Variants in GUCY1A1 observed in about 807,000 individuals in gnomAD.
GUCY1A1 encodes the protein guanylate cyclase 1 soluble subunit alpha 1, also known as guanylate cyclase soluble subunit alpha-1.
Under a neutral mutation model 64.5 loss-of-function variants are expected in GUCY1A1, and 48 were observed. That is an observed-to-expected ratio of 0.74 (90% CI 0.59 to 0.95). The LOEUF is 0.95. GUCY1A1 is among the 40% of genes least tolerant of loss of function. GUCY1A1 has a pLI of 0.00. For missense variants in GUCY1A1, 804 were observed against 825.3 expected (o/e 0.97, Z 0.32); for synonymous variants, 308 against 303.4 (o/e 1.02, Z -0.16).
At chr4:155,681,334 A>G in intron 2 of GUCY1A1, among the ~76,000 whole-genome samples, 1 of 152,264 alleles carries the variant, frequency 6.6e-6, no homozygotes, top group Middle Eastern at 3.4e-3. Flanking sequence ...ATTTCTATTT[A>G]CAGAAAGCTA....
intron 2 of GUCY1A1, among the ~76,000 whole-genome samples, chr4:155,693,453 G>A (rs989089220): frequency 2.6e-5 from 4 of 151,874 alleles, no homozygotes; most frequent in African/African-American, 9.7e-5. Flanking sequence ...TACTGCTAAC[G>A]TTACCCATAA....
At chr4:155,672,734 G>C (rs917156179) in intron 2 of GUCY1A1, among the ~76,000 whole-genome samples, 1 of 152,104 alleles carries the variant, frequency 6.6e-6, no homozygotes, top group Non-Finnish European at 1.5e-5. Context: ...ATAGCTGATG[G>C]AATCCACCTT....
intron 5 of GUCY1A1, among the ~76,000 whole-genome samples, chr4:155,708,889 T>A (rs1362372834): frequency 6.6e-6 from 1 of 151,386 alleles, no homozygotes; most frequent in Non-Finnish European, 1.5e-5. Flanking sequence ...GGCACTATTC[T>A]TTTTCCCACA....
At chr4:155,687,136 T>C (rs919510774) in intron 2 of GUCY1A1, among the ~76,000 whole-genome samples, 3 of 152,224 alleles carry the variant, frequency 2.0e-5, no homozygotes, top group African/African-American at 7.2e-5. Context: ...TAGAATAAAA[T>C]TGTCAATCAT....
chr4:155,671,433 C>G (rs916114139), intron 2 of GUCY1A1, among the ~76,000 whole-genome samples: 2 of 152,126 alleles, frequency 1.3e-5, no homozygotes, highest in South Asian at 2.1e-4. Context: ...TGCTTCACTC[C>G]AATGTCAGCT....
At chr4:155,689,843 T>C (rs1729504841) in intron 2 of GUCY1A1, among the ~76,000 whole-genome samples, 1 of 152,200 alleles carries the variant, frequency 6.6e-6, no homozygotes, top group Non-Finnish European at 1.5e-5. Flanking sequence ...TGCCGTTGTC[T>C]TTAGAGTTGA....
chr4:155,710,953 A>G lies in GUCY1A1; in HGVS notation c.788A>G (p.Lys263Arg). The G allele has an allele frequency of 6.2e-7, 1 of 1,613,574 alleles. No homozygotes were observed. Among genetic ancestry groups the G allele is most frequent in the Admixed American group, 1.7e-5 (1 of 60,012 alleles). ...TACTCCGTTCACATGAAAAGCACCA[A>G]GCCATCCCTGTCCCCCAGCAAACCC... ...LLYSVHMKST[K>R]PSLSPSKPQS... Residue 263 changes from lysine to arginine, a missense_variant, in exon 6 of 10, where the codon AAG becomes AGG. Lys to Arg is a conservative substitution (Grantham distance 26). Transcript: ENST00000506455.
At chr4:155,683,540 A>G (rs1412488098) in intron 2 of GUCY1A1, among the ~76,000 whole-genome samples, 2 of 152,224 alleles carry the variant, frequency 1.3e-5, no homozygotes, top group Admixed American at 6.5e-5. Context: ...GGAAAATAGC[A>G]AACTTGATTA....
chr4:155,681,230 T>C, intron 2 of GUCY1A1, among the ~76,000 whole-genome samples: 2 of 152,326 alleles, frequency 1.3e-5, no homozygotes, highest in Admixed American at 1.3e-4. Context: ...TCATTATTAG[T>C]GTTGGAGTGG....
At chr4:155,726,876 C>T (rs1210001185) in intron 9 of GUCY1A1, among the ~76,000 whole-genome samples, 1 of 151,822 alleles carries the variant, frequency 6.6e-6, no homozygotes, top group Non-Finnish European at 1.5e-5. Flanking sequence ...TACATTAGTT[C>T]CAGGTCAGTG....
chr4:155,723,327 G>C (rs1278387784), intron 9 of GUCY1A1, among the ~76,000 whole-genome samples: 1 of 152,108 alleles, frequency 6.6e-6, no homozygotes, highest in South Asian at 2.1e-4. Context: ...GAGGAGCCAC[G>C]TGTCATCTAG....
chr4:155,704,760 C>T (rs1358795281), intron 4 of GUCY1A1, among the ~76,000 whole-genome samples: 1 of 151,940 alleles, frequency 6.6e-6, no homozygotes, highest in East Asian at 1.9e-4. Context: ...CTCTGTCATC[C>T]AGGCTGAATG....
chr4:155,728,290 T>C (rs1735020361), intron 9 of GUCY1A1, among the ~76,000 whole-genome samples: 1 of 151,892 alleles, frequency 6.6e-6, no homozygotes, highest in African/African-American at 2.4e-5. Context: ...GGTGTTACTA[T>C]GTCCACTCTG....
chr4:155,699,840 G>A (rs1730856589), intron 3 of GUCY1A1, among the ~76,000 whole-genome samples: 1 of 151,852 alleles, frequency 6.6e-6, no homozygotes, highest in Admixed American at 6.6e-5. Flanking sequence ...TAACTTCCTG[G>A]TTATATTTTT....
rs759428861 is a variant in GUCY1A1, at chr4:155,722,202, A to T, written c.1871+10A>T. 2 of 1,609,840 alleles carry T rather than the reference A, an allele frequency of 1.2e-6. No homozygotes were observed. Among genetic ancestry groups the T allele is most frequent in the East Asian group, 4.5e-5 (2 of 44,746 alleles). On this transcript the variant is annotated intron_variant, in intron 9 of 9. Transcript: ENST00000506455. The stretch of plus-strand genomic sequence containing the variant: ...GCCCAACAACTTACAGGTAGTAATT[A>T]TGTTAAACACCTAAAATCTCTTGTT...
intron 8 of GUCY1A1, among the ~76,000 whole-genome samples, chr4:155,718,321 T>G (rs907572660): frequency 2.0e-5 from 3 of 152,176 alleles, no homozygotes; most frequent in Admixed American, 6.6e-5. Flanking sequence ...CTCTTTAACC[T>G]TAATAGAAGC....
chr4:155,692,678 G>A (rs192276087), intron 2 of GUCY1A1, among the ~76,000 whole-genome samples: 1 of 152,332 alleles, frequency 6.6e-6, no homozygotes, highest in East Asian at 1.9e-4. Flanking sequence ...CAGTGCCAGA[G>A]AGTGTGGTAA....
intron 2 of GUCY1A1, among the ~76,000 whole-genome samples, chr4:155,689,786 C>T (rs1013376814): frequency 2.0e-4 from 31 of 152,132 alleles, no homozygotes; most frequent in African/African-American, 6.8e-4. Flanking sequence ...TGCCACCCGG[C>T]GAGTCGGGGG....
chr4:155,690,836 C>T (rs980060501), intron 2 of GUCY1A1, among the ~76,000 whole-genome samples: 3 of 152,158 alleles, frequency 2.0e-5, no homozygotes, highest in Non-Finnish European at 4.4e-5. Flanking sequence ...TTCTTGAGAG[C>T]AAGGGGTGTT....
Sources: gnomAD v4.1 joint callset for allele counts (sites outside exome capture counted in the v4.1 genomes callset) on GRCh38, gnomAD v4.1.1 for gene constraint, MANE v1.5 for transcripts, NCBI Gene and HGNC (gene_info 2026-07-23, HGNC 2026-07-21) for gene names.